Variants in ZMAT4 observed in about 807,000 individuals in gnomAD.
The protein encoded by ZMAT4 is zinc finger matrin-type 4.
Under a neutral mutation model 28.7 loss-of-function variants are expected in ZMAT4, and 17 were observed. That is an observed-to-expected ratio of 0.59 (90% CI 0.41 to 0.89). The LOEUF (loss-of-function observed/expected upper bound fraction) is 0.89, where lower values mean the gene tolerates loss of function less well. Ranked by LOEUF, ZMAT4 falls within the 40% of genes least tolerant of loss-of-function variation. The pLI is 0.00. For synonymous variants in ZMAT4, 117 were observed against 109.2 expected (o/e 1.07, Z -0.44); for missense variants, 240 against 283.8 (o/e 0.85, Z 1.11).
intron 5 of ZMAT4, among the ~76,000 whole-genome samples, chr8:40,586,465 G>T (rs1804675678): frequency 6.6e-6 from 1 of 152,174 alleles, no homozygotes; most frequent in Non-Finnish European, 1.5e-5. Flanking sequence ...ACAATTCAAG[G>T]TAGACCATTA....
At chr8:40,834,555 C>T (rs774667351) in intron 1 of ZMAT4, among the ~76,000 whole-genome samples, 5 of 152,128 alleles carry the variant, frequency 3.3e-5, no homozygotes, top group South Asian at 2.1e-4. Flanking sequence ...ATTTACTATA[C>T]GGCTGGTGCT....
At position 40,746,242 on chromosome 8, in the gene ZMAT4, TC is replaced by T. The variant is rs1563453984; in HGVS notation, c.192+21398del. Among the ~76,000 whole-genome samples, 9 of 54,426 alleles carry T rather than the reference TC, an allele frequency of 1.7e-4. 1 individual carries two copies. The highest frequency in any genetic ancestry group is 2.2e-4 in the African/African-American group (3 of 13,462). The allele number at this position is 54,426 out of a possible 152,430, so 35.7% of individuals were successfully genotyped here. On this transcript the variant is annotated intron_variant, in intron 3 of 6. Coordinates refer to ENST00000297737, the MANE Select transcript of ZMAT4 (RefSeq NM_024645.3). Reference sequence around the variant, plus strand: ...CTCCTTCCCTCCCTCCCTCCCTCCCTCCCTCCCTCCCTCCCTCCCTCCCTTC... The same window carrying T: ...CTCCTTCCCTCCCTCCCTCCCTCCCTCCTCCCTCCCTCCCTCCCTCCCTTC...
At chr8:40,680,340 T>G (rs931194710) in intron 4 of ZMAT4, among the ~76,000 whole-genome samples, 1 of 152,104 alleles carries the variant, frequency 6.6e-6, no homozygotes, top group Non-Finnish European at 1.5e-5. Context: ...CTGTGGTTTT[T>G]GGGGCTAAAA....
intron 5 of ZMAT4, among the ~76,000 whole-genome samples, chr8:40,662,615 G>C (rs1409353360): frequency 6.6e-6 from 1 of 152,054 alleles, no homozygotes; most frequent in African/African-American, 2.4e-5. Context: ...AACAATAACA[G>C]GCAAAACCCA....
chr8:40,616,759 A>G (rs1806022921), intron 5 of ZMAT4, among the ~76,000 whole-genome samples: 1 of 151,994 alleles, frequency 6.6e-6, no homozygotes, highest in African/African-American at 2.4e-5. Context: ...GGGAGGAGGG[A>G]TAGCATTAGG....
intron 2 of ZMAT4, among the ~76,000 whole-genome samples, chr8:40,778,685 G>A (rs370047472): frequency 6.6e-6 from 1 of 152,212 alleles, no homozygotes. Flanking sequence ...GGCCTTAGGG[G>A]AAGAAGGAAC....
chr8:40,655,262 G>A (rs1807864311), intron 5 of ZMAT4, among the ~76,000 whole-genome samples: 1 of 151,990 alleles, frequency 6.6e-6, no homozygotes, highest in African/African-American at 2.4e-5. Flanking sequence ...CAAAACACAT[G>A]CAAGACTTAC....
chr8:40,590,318 C>A (rs1585725104), intron 5 of ZMAT4, among the ~76,000 whole-genome samples: 2 of 151,762 alleles, frequency 1.3e-5, no homozygotes, highest in Admixed American at 6.6e-5. Context: ...AGATGTGAGC[C>A]ACCATATCTG....
intron 6 of ZMAT4, among the ~76,000 whole-genome samples, chr8:40,561,159 TTAA>T (rs1803725859): frequency 6.6e-6 from 1 of 152,208 alleles, no homozygotes; most frequent in South Asian, 2.1e-4. Context: ...GTGTCATTTG[TTAA>T]TAAAATAAGC....
Position 40,716,668 on chromosome 8 carries a change from G to T in ZMAT4, c.193-19267C>A, listed in dbSNP as rs527419734. 1.4e-3 allele frequency among the ~76,000 whole-genome samples: 217 copies of T among 152,214 alleles called. 1 individual carries two copies. Among genetic ancestry groups the T allele is most frequent in the African/African-American group, 5.0e-3 (208 of 41,520 alleles). ...GATCGTGCCACTGCACACCAGCCTG[G>T]GCGACAGAACGAGACTGTCTCAAAA... On this transcript the variant is annotated intron_variant, in intron 3 of 6. Transcript: ENST00000297737.
At chr8:40,612,685 C>T (rs2118660992) in intron 5 of ZMAT4, among the ~76,000 whole-genome samples, 1 of 137,426 alleles carries the variant, frequency 7.3e-6, no homozygotes, top group East Asian at 1.9e-4. Context: ...CTCAACATGA[C>T]CAAAGCATCT....
intron 1 of ZMAT4, among the ~76,000 whole-genome samples, chr8:40,848,656 C>A (rs1383708228): frequency 6.6e-6 from 1 of 152,010 alleles, no homozygotes; most frequent in Non-Finnish European, 1.5e-5. Flanking sequence ...TAATAATAAC[C>A]ACATCATCAC....
At chr8:40,555,903 C>A (rs533901699) in intron 6 of ZMAT4, among the ~76,000 whole-genome samples, 1 of 152,248 alleles carries the variant, frequency 6.6e-6, no homozygotes, top group Non-Finnish European at 1.5e-5. Context: ...ACCACTCAAC[C>A]GACTGCCTTG....
rs371986451 is a variant in ZMAT4 at position 40,536,814 on chromosome 8, T to C, written c.675-4576A>G. Among the ~76,000 whole-genome samples, 8 of 151,654 alleles carry C rather than the reference T, an allele frequency of 5.3e-5. 1 individual carries two copies. The highest frequency in any genetic ancestry group is 4.6e-4 in the Admixed American group (7 of 15,218). ...CAAAACTTTAAGAAAATGCCCAAGC[T>C]ACAGAAGGAAACTGCTGTGCTTAAG... On this transcript the variant is annotated intron_variant, in intron 6 of 6. Coordinates refer to ENST00000297737, the MANE Select transcript of ZMAT4 (RefSeq NM_024645.3).
At chr8:40,865,219 C>T (rs1053893061) in intron 1 of ZMAT4, among the ~76,000 whole-genome samples, 7 of 152,194 alleles carry the variant, frequency 4.6e-5, no homozygotes, top group Admixed American at 1.3e-4. Context: ...CTTATTCTCT[C>T]GCTTCGGAGT....
At chr8:40,747,163 G>T (rs1225249692) in intron 3 of ZMAT4, among the ~76,000 whole-genome samples, 1 of 152,146 alleles carries the variant, frequency 6.6e-6, no homozygotes. Context: ...TAAAATAAAA[G>T]AATTACTTGA....
rs562401120 is a variant in ZMAT4 at position 40,879,817 on chromosome 8, T to G, written c.-5+17866A>C. ...CATAGACATATTCCATTAGCCAGTTTGAAGATATTTCACTTTCAGCTTTAT... is the reference window on the plus strand; with the variant it reads ...CATAGACATATTCCATTAGCCAGTTGGAAGATATTTCACTTTCAGCTTTAT... On this transcript the variant is annotated intron_variant, in intron 1 of 6. Coordinates refer to ENST00000297737, the MANE Select transcript of ZMAT4 (RefSeq NM_024645.3). Among the ~76,000 whole-genome samples the G allele has an allele frequency of 9.2e-5, 14 of 152,358 alleles. No individual in the cohort carries two copies. The East Asian group carries it at 2.7e-3, about 29-fold the overall frequency.
chr8:40,596,597 T>A (rs1305010376), intron 5 of ZMAT4, among the ~76,000 whole-genome samples: 6 of 152,210 alleles, frequency 3.9e-5, no homozygotes, highest in Admixed American at 3.9e-4. Flanking sequence ...GTGACAGGAA[T>A]TTTTCAGCTC....
At chr8:40,851,459 A>C (rs1310286730) in intron 1 of ZMAT4, among the ~76,000 whole-genome samples, 2 of 152,242 alleles carry the variant, frequency 1.3e-5, no homozygotes, top group East Asian at 3.8e-4. Context: ...TCTACTGTCT[A>C]GTTAATAGTT....
Sources: allele counts gnomAD v4.1 joint callset (sites outside exome capture counted in the v4.1 genomes callset), GRCh38; gene constraint gnomAD v4.1.1; transcripts MANE v1.5; gene names NCBI Gene and HGNC (gene_info 2026-07-23, HGNC 2026-07-21).